The following CNTNAP5 variants were observed in gnomAD, a reference collection of about 807,000 sequenced individuals.
CNTNAP5 encodes the protein contactin associated protein family member 5, also known as contactin-associated protein-like 5.
CNTNAP5 carries 72 observed loss-of-function variants against 150.2 expected under a neutral mutation model. The ratio of observed to expected loss-of-function variants is 0.48; its 90% CI spans 0.40 to 0.58. The LOEUF (loss-of-function observed/expected upper bound fraction) is 0.58, where lower values mean the gene tolerates loss of function less well. Among genes scored for constraint, CNTNAP5 ranks in the 20% least tolerant of loss-of-function variants. CNTNAP5 has a pLI of 0.00. For missense variants in CNTNAP5, 1,636 were observed against 1,626.2 expected (o/e 1.01, Z -0.10); for synonymous variants, 672 against 619.8 (o/e 1.08, Z -1.25).
chr2:124,353,605 C>A (rs965206920), intron 3 of CNTNAP5, among the ~76,000 whole-genome samples: 1 of 152,074 alleles, frequency 6.6e-6, no homozygotes, highest in Non-Finnish European at 1.5e-5. Context: ...ATCCTCTCTC[C>A]GTGCATCTCC....
intron 17 of CNTNAP5, among the ~76,000 whole-genome samples, chr2:124,786,402 G>A (rs7421969): frequency 0.056 from 2,936 of 52,812 alleles, 31 homozygotes; most frequent in Middle Eastern, 0.11. Context: ...AAAGAAAGAA[G>A]GAAGGAAGGA....
intron 11 of CNTNAP5, 117 bp from the exon 12 acceptor site, chr2:124,609,684 A>G (rs1677336911): frequency 8.8e-7 from 1 of 1,133,420 alleles, no homozygotes; most frequent in African/African-American, 1.5e-5. Flanking sequence ...AAAGTCAAGG[A>G]TATAGAAGGA....
At chr2:124,675,046 G>A (rs13432730) in intron 13 of CNTNAP5, among the ~76,000 whole-genome samples, 1 of 151,844 alleles carries the variant, frequency 6.6e-6, no homozygotes, top group East Asian at 1.9e-4. Context: ...TAACACAAGA[G>A]TGTTGGATTC....
At chr2:124,888,287 T>G (rs550859929) in intron 21 of CNTNAP5, among the ~76,000 whole-genome samples, 1 of 152,264 alleles carries the variant, frequency 6.6e-6, no homozygotes, top group Non-Finnish European at 1.5e-5. Context: ...TTCATTCTGT[T>G]TTATGGCTGC....
At chr2:124,310,382 A>T (rs1390288455) in intron 3 of CNTNAP5, among the ~76,000 whole-genome samples, 15 of 152,078 alleles carry the variant, frequency 9.9e-5, no homozygotes, top group Admixed American at 9.8e-4. Context: ...CTTCCTACTT[A>T]GTGGGTTGGT....
At chr2:124,795,342 A>T (rs1359271111) in intron 18 of CNTNAP5, among the ~76,000 whole-genome samples, 17 of 152,036 alleles carry the variant, frequency 1.1e-4, no homozygotes, top group Admixed American at 1.1e-3. Context: ...TCCTTCTCCT[A>T]CTTCATGTCA....
At chr2:124,372,947 A>G (rs546657890) in intron 3 of CNTNAP5, among the ~76,000 whole-genome samples, 7 of 152,258 alleles carry the variant, frequency 4.6e-5, no homozygotes, top group African/African-American at 1.2e-4. Context: ...CTTCAACCTG[A>G]TGGTTGAAGC....
intron 21 of CNTNAP5, among the ~76,000 whole-genome samples, chr2:124,892,011 G>T (rs1374736565): frequency 6.6e-6 from 1 of 152,004 alleles, no homozygotes; most frequent in Non-Finnish European, 1.5e-5. Context: ...AGTCATTAAG[G>T]CTATCTAAGG....
intron 13 of CNTNAP5, among the ~76,000 whole-genome samples, chr2:124,743,281 C>T (rs1573587382): frequency 6.6e-6 from 1 of 152,162 alleles, no homozygotes; most frequent in South Asian, 2.1e-4. Flanking sequence ...TTAAGAGATA[C>T]TAAGTTTCTG....
intron 3 of CNTNAP5, among the ~76,000 whole-genome samples, chr2:124,391,877 A>ACT (rs1445539702): frequency 6.6e-6 from 1 of 152,108 alleles, no homozygotes; most frequent in African/African-American, 2.4e-5. Flanking sequence ...AATGGAGTGA[A>ACT]CTCGGGAAGC....
chr2:124,245,579 A>C (rs934723770), intron 3 of CNTNAP5, among the ~76,000 whole-genome samples: 13 of 111,918 alleles, frequency 1.2e-4, no homozygotes, highest in African/African-American at 3.9e-4. Context: ...ATACATATAT[A>C]TCTGTGTGTG....
chr2:124,233,693 TTCTC>T (rs1686678339), intron 2 of CNTNAP5, among the ~76,000 whole-genome samples: 1 of 151,840 alleles, frequency 6.6e-6, no homozygotes, highest in Non-Finnish European at 1.5e-5. Flanking sequence ...TCTTTCCTCT[TTCTC>T]TCCTTTCTCT....
At chr2:124,905,929 G>A (rs1678526981) in intron 22 of CNTNAP5, among the ~76,000 whole-genome samples, 1 of 152,174 alleles carries the variant, frequency 6.6e-6, no homozygotes, top group Non-Finnish European at 1.5e-5. Context: ...TTGTGAATGT[G>A]AGTTAGATAA....
At chr2:124,360,303 T>G (rs1690160798) in intron 3 of CNTNAP5, among the ~76,000 whole-genome samples, 1 of 150,884 alleles carries the variant, frequency 6.6e-6, no homozygotes, top group African/African-American at 2.4e-5. Flanking sequence ...ATTTAGTCCA[T>G]TTACATTTAA....
Position 124,906,540 on chromosome 2 carries a change from G to A in CNTNAP5, c.3655+3440G>A, listed in dbSNP as rs116256030. Among the ~76,000 whole-genome samples, 386 of 152,188 alleles carry A rather than the reference G, an allele frequency of 2.5e-3. 2 individuals are homozygous for A. The highest frequency in any genetic ancestry group is 8.8e-3 in the African/African-American group (367 of 41,528). On this transcript the variant is annotated intron_variant, in intron 22 of 23. Transcript: ENST00000682447. Reference sequence around the variant, plus strand: ...ACGATAGGTCATGATGTGTTAGTAGGAAGATAAAAGGTGGGACATCTTATT... The same window carrying A: ...ACGATAGGTCATGATGTGTTAGTAGAAAGATAAAAGGTGGGACATCTTATT...
chr2:124,251,044 C>T (rs1432720259), intron 3 of CNTNAP5, among the ~76,000 whole-genome samples: 2 of 152,066 alleles, frequency 1.3e-5, no homozygotes, highest in African/African-American at 2.4e-5. Context: ...GCAGGCGTTG[C>T]TCTTGTGTTT....
At chr2:124,721,017 C>T (rs1205343033) in intron 13 of CNTNAP5, among the ~76,000 whole-genome samples, 1 of 152,000 alleles carries the variant, frequency 6.6e-6, no homozygotes, top group South Asian at 2.1e-4. Context: ...CCATCTTTCC[C>T]GTACCTCCTG....
intron 3 of CNTNAP5, among the ~76,000 whole-genome samples, chr2:124,319,812 GC>G (rs1558848975): frequency 6.6e-6 from 1 of 152,094 alleles, no homozygotes; most frequent in Non-Finnish European, 1.5e-5. Flanking sequence ...TGGGAAGGTG[GC>G]AAAATTGCCT....
intron 1 of CNTNAP5, among the ~76,000 whole-genome samples, chr2:124,220,876 A>G (rs375744658): frequency 2.0e-5 from 3 of 152,256 alleles, no homozygotes; most frequent in African/African-American, 7.2e-5. Flanking sequence ...GAAATGACAA[A>G]AATTCCAACC....
Sources: gnomAD v4.1 joint callset for allele counts (sites outside exome capture counted in the v4.1 genomes callset) on GRCh38, gnomAD v4.1.1 for gene constraint, MANE v1.5 for transcripts, NCBI Gene and HGNC (gene_info 2026-07-23, HGNC 2026-07-21) for gene names.